Variants in HFM1 observed in about 807,000 individuals in gnomAD.
HFM1 encodes helicase for meiosis 1, also known as probable ATP-dependent DNA helicase HFM1.
Under a neutral mutation model 192.1 loss-of-function variants are expected in HFM1, and 169 were observed. The ratio of observed to expected loss-of-function variants is 0.88; its 90% confidence interval spans 0.78 to 1.00. The LOEUF (loss-of-function observed/expected upper bound fraction) is 1.00, where lower values mean the gene tolerates loss of function less well. Ranked by LOEUF, HFM1 falls within the 50% of genes least tolerant of loss-of-function variation. The pLI is 0.00. For synonymous variants in HFM1, 525 were observed against 537.8 expected (o/e 0.98, Z 0.33); for missense variants, 1,661 against 1,668.0 (o/e 1.00, Z 0.07).
chr1:91,354,170 A>C (rs570335530), intron 13 of HFM1, among the ~76,000 whole-genome samples: 6 of 151,948 alleles, frequency 3.9e-5, no homozygotes, highest in African/African-American at 1.4e-4. Context: ...GAAATCTTGG[A>C]GCTAAAGAAT....
chr1:91,291,453 A>G (rs2100933726), intron 30 of HFM1, among the ~76,000 whole-genome samples: 1 of 152,364 alleles, frequency 6.6e-6, no homozygotes, highest in East Asian at 1.9e-4. Context: ...AAAATCTGGA[A>G]GAAATGGATA....
At chr1:91,337,333 C>A (rs759839894) in intron 20 of HFM1, among the ~76,000 whole-genome samples, 7 of 152,148 alleles carry the variant, frequency 4.6e-5, no homozygotes, top group Non-Finnish European at 1.0e-4. Flanking sequence ...TACCTAGATA[C>A]TTGAGTATTA....
At chr1:91,403,233 C>T (rs566532509) in intron 1 of HFM1, among the ~76,000 whole-genome samples, 1 of 152,172 alleles carries the variant, frequency 6.6e-6, no homozygotes, top group South Asian at 2.1e-4. Flanking sequence ...TAGTGCCTGG[C>T]ACACAGTAAA....
chr1:91,284,561 T>C (rs1667764500), intron 30 of HFM1, among the ~76,000 whole-genome samples: 1 of 152,156 alleles, frequency 6.6e-6, no homozygotes, highest in Non-Finnish European at 1.5e-5. Flanking sequence ...CTCCAAGACA[T>C]TCATATTCAG....
At chr1:91,368,739 C>T (rs1014454428) in intron 13 of HFM1, among the ~76,000 whole-genome samples, 2 of 152,188 alleles carry the variant, frequency 1.3e-5, no homozygotes, top group African/African-American at 2.4e-5. Flanking sequence ...ATCAAATTCA[C>T]ACATAACAAT....
intron 30 of HFM1, among the ~76,000 whole-genome samples, chr1:91,289,203 A>G (rs1433549003): frequency 3.4e-5 from 5 of 145,962 alleles, no homozygotes; most frequent in African/African-American, 5.2e-5. Flanking sequence ...CGGGGCAGAG[A>G]CACTCCTCAG....
At chr1:91,387,592 AATG>A (rs977864382) in intron 4 of HFM1, among the ~76,000 whole-genome samples, 3 of 151,938 alleles carry the variant, frequency 2.0e-5, no homozygotes, top group African/African-American at 7.3e-5. Context: ...TGTCCCCGGA[AATG>A]ATGAGTTCAT....
intron 13 of HFM1, among the ~76,000 whole-genome samples, chr1:91,362,588 G>T (rs1237183265): frequency 6.6e-6 from 1 of 152,142 alleles, no homozygotes; most frequent in Non-Finnish European, 1.5e-5. Flanking sequence ...TGGATAGGAA[G>T]AATCAATATT....
rs374343701 is a variant in HFM1, at chr1:91,313,461, A to G, written c.3279T>C (p.Phe1093=). 1.3e-6 allele frequency: 2 copies of G among 1,597,904 alleles called. No individual in the cohort carries two copies. Among genetic ancestry groups the G allele is most frequent in the South Asian group, 1.2e-5 (1 of 86,908 alleles). Residue 1093 remains phenylalanine, a synonymous_variant, in exon 30 of 39, where the codon TTT becomes TTC. Coordinates refer to ENST00000370425, the MANE Select transcript of HFM1 (RefSeq NM_001017975.6). The stretch of plus-strand genomic sequence containing the variant: ...TTCCAAACCTCTTGGGTTCTAAGTA[A>G]AAGACTGTAAGTTTCTGCTGAATAT... ...GLDIQQKLTV[F]YLEPKRFGNQ...
At chr1:91,372,955 C>T (rs1361400429) in intron 13 of HFM1, among the ~76,000 whole-genome samples, 11 of 151,766 alleles carry the variant, frequency 7.2e-5, no homozygotes, top group Admixed American at 5.9e-4. Context: ...GCTTTGTTGA[C>T]GTGTATTATA....
chr1:91,322,349 T>G (rs1282994232), intron 23 of HFM1, among the ~76,000 whole-genome samples: 1 of 152,128 alleles, frequency 6.6e-6, no homozygotes, highest in Non-Finnish European at 1.5e-5. Context: ...AAAAAGATCA[T>G]TTCACCTTAA....
chr1:91,277,360 C>T (rs1666927366), intron 30 of HFM1, among the ~76,000 whole-genome samples: 1 of 151,022 alleles, frequency 6.6e-6, no homozygotes, highest in South Asian at 2.1e-4. Flanking sequence ...GCTGGGACTA[C>T]AGGCACTTAC....
chr1:91,309,813 C>T (rs1650171295), intron 30 of HFM1, among the ~76,000 whole-genome samples: 1 of 145,428 alleles, frequency 6.9e-6, no homozygotes, highest in African/African-American at 2.6e-5. Flanking sequence ...TCTTTTAAGA[C>T]AAAAAATAAT....
chr1:91,312,460 A>G (rs1650608256), intron 30 of HFM1, among the ~76,000 whole-genome samples: 1 of 152,300 alleles, frequency 6.6e-6, no homozygotes, highest in South Asian at 2.1e-4. Flanking sequence ...GGAGCTTTAA[A>G]GTTTGACTGC....
intron 3 of HFM1, 46 bp from the exon 4 acceptor site, chr1:91,394,448 G>A: frequency 2.7e-6 from 3 of 1,125,096 alleles, no homozygotes; most frequent in Middle Eastern, 3.0e-4. Flanking sequence ...TCCATTAAAG[G>A]AAATTTTCAA....
intron 20 of HFM1, among the ~76,000 whole-genome samples, chr1:91,338,185 G>T (rs1300281233): frequency 2.0e-5 from 3 of 152,276 alleles, no homozygotes; most frequent in African/African-American, 7.2e-5. Context: ...TAAATTGGCA[G>T]AGAGAACTGC....
intron 6 of HFM1, 89 bp downstream of exon 6, chr1:91,385,098 A>G: frequency 1.1e-6 from 1 of 872,934 alleles, no homozygotes; most frequent in Non-Finnish European, 1.8e-6. Flanking sequence ...TTCTCCATCA[A>G]CCAAAATAAA....
chr1:91,285,222 A>T (rs1421045776), intron 30 of HFM1, among the ~76,000 whole-genome samples: 2 of 152,182 alleles, frequency 1.3e-5, no homozygotes, highest in East Asian at 3.8e-4. Flanking sequence ...AGCAGCATGA[A>T]AACGGACTAA....
chr1:91,369,259 T>C (rs1659830024), intron 13 of HFM1, among the ~76,000 whole-genome samples: 1 of 152,150 alleles, frequency 6.6e-6, no homozygotes, highest in Non-Finnish European at 1.5e-5. Flanking sequence ...CTAATAGACA[T>C]CTACAGAACT....
Sources: allele counts gnomAD v4.1 joint callset (sites outside exome capture counted in the v4.1 genomes callset), GRCh38; gene constraint gnomAD v4.1.1; transcripts MANE v1.5; gene names NCBI Gene and HGNC (gene_info 2026-07-23, HGNC 2026-07-21).